Variants in NDUFS7 observed in about 807,000 individuals in gnomAD.
The protein encoded by NDUFS7 is NADH dehydrogenase [ubiquinone] iron-sulfur protein 7, mitochondrial.
In NDUFS7, 11 loss-of-function variants were observed where a neutral mutation model predicts 31.1. The observed-to-expected ratio is 0.35, with a 90% CI of 0.22 to 0.59. The LOEUF (loss-of-function observed/expected upper bound fraction) is 0.59, where lower values mean the gene tolerates loss of function less well. NDUFS7 is among the 20% of genes least tolerant of loss of function. NDUFS7 has a pLI of 0.79. For missense variants in NDUFS7, 263 were observed against 324.2 expected (o/e 0.81, Z 1.45); for synonymous variants, 136 against 127.9 (o/e 1.06, Z -0.43).
intron 2 of NDUFS7, chr19:1,388,162 T>C: frequency 1.7e-6 from 1 of 588,502 alleles, no homozygotes; most frequent in Non-Finnish European, 3.0e-6. Context: ...GGGGCAGGCC[T>C]CCTGCAGACC....
chr19:1,390,787 G>A, intron 4 of NDUFS7, 84 bp from the exon 5 acceptor site: 2 of 1,480,528 alleles, frequency 1.4e-6, no homozygotes, highest in Admixed American at 1.9e-5. Flanking sequence ...ATGAGTCGGG[G>A]GTTCTGGGTG....
intron 4 of NDUFS7, chr19:1,390,573 G>A (rs770293697): frequency 2.2e-5 from 12 of 544,484 alleles, no homozygotes; most frequent in Non-Finnish European, 3.6e-5. Flanking sequence ...CGCTCAGAGA[G>A]TGGCTGGAGC....
intron 4 of NDUFS7, chr19:1,389,167 T>TTGCACACACA (rs753050014): frequency 2.9e-6 from 2 of 694,752 alleles, no homozygotes; most frequent in South Asian, 1.5e-5. Flanking sequence ...ACATGCACAC[T>TTGCACACACA]TGCACACACA....
At chr19:1,386,083 C>A (rs533033518) in intron 1 of NDUFS7, among the ~76,000 whole-genome samples, 29 of 152,272 alleles carry the variant, frequency 1.9e-4, no homozygotes, top group African/African-American at 6.5e-4. Context: ...TGGACGGGGC[C>A]ATGGGAAACA....
intron 6 of NDUFS7, among the ~76,000 whole-genome samples, chr19:1,391,439 A>C (rs1243577697): frequency 6.6e-6 from 1 of 151,348 alleles, no homozygotes; most frequent in African/African-American, 2.4e-5. Context: ...CAGGTGCTGT[A>C]GATAGTTTTA....
chr19:1,388,499 C>T (rs974559480), intron 2 of NDUFS7, 26 bp from the exon 3 acceptor site: 1 of 1,608,966 alleles, frequency 6.2e-7, no homozygotes, highest in Non-Finnish European at 8.5e-7. Context: ...GGGACAGCCA[C>T]TGACCCGCGT....
At chr19:1,389,892 TTTTTC>T (rs958385724) in intron 4 of NDUFS7, 44 of 209,184 alleles carry the variant, frequency 2.1e-4, no homozygotes, top group Middle Eastern at 1.8e-3. Flanking sequence ...AGTTCTTTTC[TTTTTC>T]TTTTCTTTTC....
At chr19:1,387,467 G>A (rs898867939) in intron 1 of NDUFS7, among the ~76,000 whole-genome samples, 2 of 152,060 alleles carry the variant, frequency 1.3e-5, no homozygotes, top group Non-Finnish European at 2.9e-5. Context: ...GGTGTCCCCC[G>A]CAGGGCAGCA....
At chr19:1,392,900 A>G in intron 6 of NDUFS7, 5 of 381,456 alleles carry the variant, frequency 1.3e-5, no homozygotes, top group South Asian at 9.4e-5. Context: ...CAGCCGCCCC[A>G]TAGACAGGGG....
chr19:1,394,427 C>T (rs934633062), intron 7 of NDUFS7: 1 of 1,279,210 alleles, frequency 7.8e-7, no homozygotes, highest in Non-Finnish European at 1.0e-6. Flanking sequence ...GACTGAGCTC[C>T]TCCCTCCCTG....
chr19:1,395,208 C>G, intron 7 of NDUFS7, 183 bp from the exon 8 acceptor site: 1 of 1,428,676 alleles, frequency 7.0e-7, no homozygotes, highest in Non-Finnish European at 9.1e-7. Flanking sequence ...GGACCCCACT[C>G]TTCCTGCAGG....
intron 1 of NDUFS7, 46 bp from the exon 2 acceptor site, chr19:1,387,765 G>C (rs778458409): frequency 3.1e-6 from 5 of 1,601,332 alleles, no homozygotes; most frequent in Admixed American, 3.3e-5. Context: ...CCGGCCCTGC[G>C]TGCTGCCCGC....
intron 4 of NDUFS7, 155 bp downstream of exon 4, chr19:1,389,093 GGACAGA>G: frequency 1.4e-6 from 1 of 740,226 alleles, no homozygotes; most frequent in Non-Finnish European, 2.4e-6. Flanking sequence ...TCACATGTAT[GGACAGA>G]TGTGTACACG....
Position 1,387,819 on chromosome 19 carries a change from C to G in NDUFS7, c.25C>G (p.Leu9Val), listed in dbSNP as rs767872983. The G allele has an allele frequency of 6.2e-7, 1 of 1,610,916 alleles. No homozygotes were observed. Among genetic ancestry groups the G allele is most frequent in the Non-Finnish European group, 8.5e-7 (1 of 1,179,502 alleles). The change falls in exon 2 of 8, where the codon CTG becomes GTG. Residue 9 changes from leucine (L) to valine (V), a missense_variant. Transcript: ENST00000233627. ...CGTGGTCCTCTCTGCAGCTCCTGGC[C>G]TGCGCGGCTTCCGGATCCTTGGTCT... MAVLSAPG[L>V]RGFRILGLRS... is the part of the protein sequence containing the mutation.
chr19:1,384,228 C>T (rs983099251), intron 1 of NDUFS7: 1 of 480,148 alleles, frequency 2.1e-6, no homozygotes, highest in Middle Eastern at 5.4e-4. Flanking sequence ...CCATTCACGT[C>T]CCCGAGACCA....
intron 3 of NDUFS7, 56 bp from the exon 4 acceptor site, chr19:1,388,777 C>G (rs1384684057): frequency 1.3e-6 from 2 of 1,532,782 alleles, no homozygotes; most frequent in Non-Finnish European, 1.8e-6. Context: ...TCGCATCCGC[C>G]TCTGGGAAGC....
rs753761921 is a variant in NDUFS7 at position 1,390,883 on chromosome 19, C to T, written c.241C>T (p.Pro81Ser). The stretch of plus-strand genomic sequence containing the variant: ...CCGGCCTCCGCAGAGTTCTCTGTGG[C>T]CCATGACCTTCGGCCTGGCCTGCTG... The part of the protein sequence containing the change: ...VNWARRSSLW[P>S]MTFGLACCAV... The change falls in exon 5 of 8, where the codon CCC becomes TCC. Residue 81 changes from proline (P) to serine (S), a missense_variant. By Grantham distance (74) the Pro-to-Ser change is moderately conservative. Coordinates refer to ENST00000233627, the MANE Select transcript of NDUFS7 (RefSeq NM_024407.5). 6.2e-7 allele frequency: 1 copy of T among 1,609,638 alleles called. No homozygotes were observed.
chr19:1,395,028 C>T, intron 7 of NDUFS7: 1 of 1,172,134 alleles, frequency 8.5e-7, no homozygotes, highest in Non-Finnish European at 1.1e-6. Context: ...CAGGGCAGCC[C>T]CGGGCCCTGC....
In NDUFS7 at chr19:1,383,919, A is replaced by C. The variant is rs371032334; in HGVS notation, c.-8A>C. 2.8e-4 allele frequency: 442 copies of C among 1,581,378 alleles called. No homozygotes were observed. In the African/African-American group the frequency reaches 5.5e-3, roughly 20 times the overall value. ...GACCTCAGAGGTTGTCTGAAGGCCGAGGCCAAGATGGCGGTGCTGTCAGGT... is the reference window on the plus strand; with the variant it reads ...GACCTCAGAGGTTGTCTGAAGGCCGCGGCCAAGATGGCGGTGCTGTCAGGT... On this transcript the variant is annotated 5_prime_UTR_variant, in exon 1 of 8. Coordinates refer to ENST00000233627, the MANE Select transcript of NDUFS7 (RefSeq NM_024407.5).
Sources: allele counts gnomAD v4.1 joint callset (sites outside exome capture counted in the v4.1 genomes callset), GRCh38; gene constraint gnomAD v4.1.1; transcripts MANE v1.5; gene names NCBI Gene and HGNC (gene_info 2026-07-23, HGNC 2026-07-21).